Variants in PDE11A observed in about 807,000 individuals in gnomAD.
The protein encoded by PDE11A is phosphodiesterase 11A.
Under a neutral mutation model 100.5 loss-of-function variants are expected in PDE11A, and 100 were observed. The observed-to-expected ratio is 1.00, with a 90% CI of 0.85 to 1.18. PDE11A has a LOEUF of 1.18. Ranked by LOEUF, PDE11A falls within the 50% of genes most tolerant of loss-of-function variation. The pLI is 0.00. For synonymous variants in PDE11A, 381 were observed against 420.8 expected (o/e 0.91, Z 1.16); for missense variants, 1,141 against 1,152.6 (o/e 0.99, Z 0.15).
intron 9 of PDE11A, among the ~76,000 whole-genome samples, chr2:177,813,947 T>G (rs987114957): frequency 8.1e-6 from 1 of 123,852 alleles, no homozygotes; most frequent in Non-Finnish European, 1.9e-5. Context: ...TAAGCAAAAA[T>G]GAGACAACAC....
intron 2 of PDE11A, among the ~76,000 whole-genome samples, chr2:178,101,277 C>T (rs955832596): frequency 2.6e-5 from 4 of 152,140 alleles, no homozygotes; most frequent in African/African-American, 9.7e-5. Context: ...ATAAAGGATA[C>T]AAATCAGGAC....
chr2:177,719,141 C>T lies in PDE11A; in HGVS notation c.2044-7263G>A, dbSNP rs2081488063. Among the ~76,000 whole-genome samples, 2 of 152,120 alleles carry T rather than the reference C, an allele frequency of 1.3e-5. 1 individual carries two copies. The highest frequency in any genetic ancestry group is 4.1e-4 in the South Asian group (2 of 4,828). On this transcript the variant is annotated intron_variant, in intron 12 of 19. Coordinates refer to ENST00000286063, the MANE Select transcript of PDE11A (RefSeq NM_016953.4). ...GAGGAGGTGCACCATGGACTGCACACCCTTGCCATGTGTGCAGTCCTGGCT... is the reference window on the plus strand; with the variant it reads ...GAGGAGGTGCACCATGGACTGCACATCCTTGCCATGTGTGCAGTCCTGGCT...
chr2:178,021,899 T>C (rs1215878062), intron 1 of PDE11A, among the ~76,000 whole-genome samples: 2 of 152,082 alleles, frequency 1.3e-5, no homozygotes, highest in African/African-American at 2.4e-5. Flanking sequence ...TAGAAAGAAG[T>C]TGAAGATGGC....
intron 1 of PDE11A, among the ~76,000 whole-genome samples, chr2:178,016,606 G>A (rs367815151): frequency 7.9e-5 from 12 of 152,132 alleles, no homozygotes; most frequent in Non-Finnish European, 1.2e-4. Flanking sequence ...AGCAAAATGC[G>A]TGAGAGAGAC....
At position 177,795,973 on chromosome 2, in the gene PDE11A, A is replaced by ATATC. The variant is rs1553475867; in HGVS notation, c.1737+20852_1737+20855dup. Reference sequence around the variant, plus strand: ...TATATATATATATATATATATATATATATCTTTGCTTTAAGATGCCAGTAT... The same window carrying ATATC: ...TATATATATATATATATATATATATATATCTATCTTTGCTTTAAGATGCCAGTAT... On this transcript the variant is annotated intron_variant, in intron 9 of 19. Coordinates refer to ENST00000286063, the MANE Select transcript of PDE11A (RefSeq NM_016953.4). 4.6e-5 allele frequency among the ~76,000 whole-genome samples: 6 copies of ATATC among 129,408 alleles called. 1 individual carries two copies. The highest frequency in any genetic ancestry group is 7.7e-5 in the Admixed American group (1 of 12,978). 84.9% of individuals were successfully genotyped at this position (129,408 alleles called of 152,430 possible).
chr2:177,953,556 T>C (rs1182919284), intron 2 of PDE11A, among the ~76,000 whole-genome samples: 1 of 152,190 alleles, frequency 6.6e-6, no homozygotes, highest in African/African-American at 2.4e-5. Flanking sequence ...AAAGCATAGA[T>C]ACTAGGAAAA....
At chr2:178,091,119 T>C (rs752870509) in intron 2 of PDE11A, among the ~76,000 whole-genome samples, 7 of 152,218 alleles carry the variant, frequency 4.6e-5, no homozygotes, top group Non-Finnish European at 8.8e-5. Flanking sequence ...TTGCTCAAGC[T>C]GAGTGTAGTG....
intron 5 of PDE11A, among the ~76,000 whole-genome samples, chr2:177,862,723 T>C (rs1019937922): frequency 3.3e-5 from 5 of 151,870 alleles, no homozygotes; most frequent in Admixed American, 6.6e-5. Context: ...TGCTCCTGGA[T>C]TGGAAGAAGT....
intron 10 of PDE11A, among the ~76,000 whole-genome samples, chr2:177,740,479 C>T (rs2081856428): frequency 6.6e-6 from 1 of 152,170 alleles, no homozygotes; most frequent in African/African-American, 2.4e-5. Flanking sequence ...GCAACAACCC[C>T]ATGGGTAAGA....
In PDE11A at chr2:177,845,516, G is replaced by A. The variant is rs529637978; in HGVS notation, c.1368-5133C>T. Among the ~76,000 whole-genome samples, 1,085 of 150,298 alleles carry A rather than the reference G, an allele frequency of 7.2e-3. 10 individuals carry two copies. Among genetic ancestry groups the A allele is most frequent in the African/African-American group, 0.025 (1,010 of 40,822 alleles). The stretch of plus-strand genomic sequence containing the variant: ...CTCCTCACTTCCTAGATGGGATGGC[G>A]GCCGGGCGGAGACGCTCCTCACTTT... On this transcript the variant is annotated intron_variant, in intron 5 of 19. Coordinates refer to ENST00000286063, the MANE Select transcript of PDE11A (RefSeq NM_016953.4).
chr2:178,102,554 A>G (rs1008897132), intron 2 of PDE11A, among the ~76,000 whole-genome samples: 1 of 150,022 alleles, frequency 6.7e-6, no homozygotes, highest in Non-Finnish European at 1.5e-5. Flanking sequence ...GATTACAGGC[A>G]TAAGCCACCA....
At position 178,096,224 on chromosome 2, in the gene PDE11A, C is replaced by A. The variant is rs577903575; in HGVS notation, c.162+8078G>T. Among the ~76,000 whole-genome samples, 434 of 143,258 alleles carry A rather than the reference C, an allele frequency of 3.0e-3. 5 individuals carry two copies. The highest frequency in any genetic ancestry group is 0.01 in the African/African-American group (396 of 38,250). The allele number at this position is 143,258 out of a possible 152,430, so 94.0% of individuals were successfully genotyped here. A position where few individuals can be genotyped will look rare whatever the true frequency, so the allele number is the denominator to read the frequency against. Reference sequence around the variant, plus strand: ...TGTCGCCCAGGCTGGAGTGCAGTGGCATGATCTCAGCTCACCGCAAGCCCC... The same window carrying A: ...TGTCGCCCAGGCTGGAGTGCAGTGGAATGATCTCAGCTCACCGCAAGCCCC... On this transcript the variant is annotated intron_variant, in intron 2 of 20. Transcript: ENST00000358450.
chr2:178,004,931 A>C (rs1027455491), intron 2 of PDE11A, among the ~76,000 whole-genome samples: 4 of 152,164 alleles, frequency 2.6e-5, no homozygotes, highest in African/African-American at 9.7e-5. Flanking sequence ...ACTCATAAGA[A>C]GATACAACAA....
At chr2:177,962,892 A>G (rs1250797489) in intron 2 of PDE11A, among the ~76,000 whole-genome samples, 1 of 152,204 alleles carries the variant, frequency 6.6e-6, no homozygotes, top group African/African-American at 2.4e-5. Flanking sequence ...TTTGAACTGG[A>G]GGTTTGGTTA....
At chr2:177,764,707 A>C (rs965254454) in intron 10 of PDE11A, among the ~76,000 whole-genome samples, 1 of 152,230 alleles carries the variant, frequency 6.6e-6, no homozygotes, top group Non-Finnish European at 1.5e-5. Flanking sequence ...AATATGCACA[A>C]ATTTTCTGTA....
chr2:177,704,352 T>A (rs78472022), intron 13 of PDE11A, among the ~76,000 whole-genome samples: 2,606 of 152,252 alleles, frequency 0.017, 66 homozygotes, highest in African/African-American at 0.059. Flanking sequence ...AGGGGTTTTT[T>A]TAAAGTAAAA....
At chr2:178,061,995 C>A (rs2086975679) in intron 1 of PDE11A, among the ~76,000 whole-genome samples, 1 of 152,152 alleles carries the variant, frequency 6.6e-6, no homozygotes, top group Non-Finnish European at 1.5e-5. Flanking sequence ...AAAATATTTT[C>A]CTGCCCTTTA....
chr2:177,757,393 G>C (rs780209080), intron 10 of PDE11A, among the ~76,000 whole-genome samples: 21 of 152,180 alleles, frequency 1.4e-4, no homozygotes, highest in Admixed American at 7.9e-4. Flanking sequence ...TCCTTCAGAG[G>C]CTTGCTGTTA....
At chr2:177,998,011 T>A (rs1386393072) in intron 2 of PDE11A, 1 of 1,232,094 alleles carries the variant, frequency 8.1e-7, no homozygotes, top group Non-Finnish European at 1.2e-6. Flanking sequence ...CCTTGTGGAA[T>A]GGACAGTTTT....
Sources: gnomAD v4.1 joint callset for allele counts (sites outside exome capture counted in the v4.1 genomes callset) on GRCh38, gnomAD v4.1.1 for gene constraint, MANE v1.5 for transcripts, NCBI Gene and HGNC (gene_info 2026-07-23, HGNC 2026-07-21) for gene names.